Variants in AKT3 observed in about 807,000 individuals in gnomAD.
AKT3 encodes the protein RAC-gamma serine/threonine-protein kinase.
A neutral mutation model predicts 65.3 loss-of-function variants in AKT3; 15 were observed. The ratio of observed to expected loss-of-function variants is 0.23; its 90% CI spans 0.15 to 0.35. AKT3 has a LOEUF of 0.35. Among genes scored for constraint, AKT3 ranks in the 10% least tolerant of loss-of-function variants. AKT3 has a pLI of 1.00. For missense variants in AKT3, 243 were observed against 576.5 expected, an observed-to-expected ratio of 0.42 and a Z score of 5.92; for synonymous variants, 206 against 183.8, an observed-to-expected ratio of 1.12 and a Z score of -0.98.
intron 6 of AKT3, among the ~76,000 whole-genome samples, chr1:243,629,886 C>T (rs1049575830): frequency 2.6e-5 from 4 of 152,106 alleles, no homozygotes; most frequent in African/African-American, 9.7e-5. Context: ...CTCTGATGCA[C>T]AAAATTCCAG....
At chr1:243,832,374 A>C (rs1275453934) in intron 2 of AKT3, among the ~76,000 whole-genome samples, 2 of 152,150 alleles carry the variant, frequency 1.3e-5, no homozygotes, top group Non-Finnish European at 2.9e-5. Context: ...TAAGAATTAA[A>C]TTGGAATACA....
chr1:243,798,840 A>G (rs1404935249), intron 2 of AKT3, among the ~76,000 whole-genome samples: 1 of 152,194 alleles, frequency 6.6e-6, no homozygotes, highest in Non-Finnish European at 1.5e-5. Flanking sequence ...TTAACACAGC[A>G]GTTGCTCTTT....
At chr1:243,561,797 T>A (rs1673802938) in intron 10 of AKT3, among the ~76,000 whole-genome samples, 1 of 152,180 alleles carries the variant, frequency 6.6e-6, no homozygotes, top group Admixed American at 6.5e-5. Context: ...TCACTTTCCA[T>A]CAACCATCAC....
At chr1:243,645,824 A>G (rs1050054152) in intron 5 of AKT3, 69 bp downstream of exon 5, 2 of 1,421,262 alleles carry the variant, frequency 1.4e-6, no homozygotes, top group African/African-American at 2.9e-5. Flanking sequence ...CTTTCTGCAA[A>G]TGGTAGCTTT....
intron 4 of AKT3, among the ~76,000 whole-genome samples, chr1:243,647,615 T>C (rs1201071130): frequency 1.3e-5 from 2 of 152,242 alleles, no homozygotes; most frequent in Non-Finnish European, 2.9e-5. Flanking sequence ...CTTTGTATAC[T>C]GCAACTTTAT....
chr1:243,545,441 T>C, intron 12 of AKT3, 69 bp downstream of exon 12: 1 of 866,952 alleles, frequency 1.2e-6, no homozygotes, highest in Non-Finnish European at 1.9e-6. Context: ...ACTTAAAATA[T>C]TTTTGCTATA....
At chr1:243,494,408 A>G (rs1667295665) in intron 13 of AKT3, among the ~76,000 whole-genome samples, 1 of 152,196 alleles carries the variant, frequency 6.6e-6, no homozygotes, top group Non-Finnish European at 1.5e-5. Flanking sequence ...ACTTGAACAT[A>G]TGCAGCTAAA....
intron 8 of AKT3, among the ~76,000 whole-genome samples, chr1:243,591,458 T>C (rs530246179): frequency 6.6e-6 from 1 of 152,300 alleles, no homozygotes; most frequent in Admixed American, 6.5e-5. Context: ...ATATATTTTT[T>C]AATCCCCAAA....
At chr1:243,615,229 C>A in intron 6 of AKT3, 68 bp from the exon 7 acceptor site, 1 of 1,261,664 alleles carries the variant, frequency 7.9e-7, no homozygotes, top group Non-Finnish European at 1.1e-6. Flanking sequence ...TTCACTATTT[C>A]TCTAAAATTG....
At chr1:243,842,968 A>G (rs1250305166) in intron 2 of AKT3, among the ~76,000 whole-genome samples, 157 bp downstream of exon 2, 1 of 152,164 alleles carries the variant, frequency 6.6e-6, no homozygotes, top group Admixed American at 6.5e-5. Context: ...CCTTAATAAC[A>G]AGCAAATTCC....
intron 8 of AKT3, among the ~76,000 whole-genome samples, chr1:243,597,350 T>C (rs1676689366): frequency 6.6e-6 from 1 of 152,222 alleles, no homozygotes; most frequent in Non-Finnish European, 1.5e-5. Context: ...TGAAAATATG[T>C]GTACAGTATA....
At chr1:243,749,212 T>C (rs1305295815) in intron 2 of AKT3, among the ~76,000 whole-genome samples, 2 of 152,166 alleles carry the variant, frequency 1.3e-5, no homozygotes, top group Non-Finnish European at 2.9e-5. Flanking sequence ...GTATATGATA[T>C]AATCCATTTT....
At chr1:243,574,953 T>C (rs1431280135) in intron 8 of AKT3, among the ~76,000 whole-genome samples, 2 of 152,168 alleles carry the variant, frequency 1.3e-5, no homozygotes, top group African/African-American at 4.8e-5. Context: ...ATTCTAGATC[T>C]TTATTTAGAC....
Position 243,630,884 on chromosome 1 carries a change from G to A in AKT3, c.561+6727C>T, listed in dbSNP as rs143665014. Among the ~76,000 whole-genome samples, 189 of 152,108 alleles carry A rather than the reference G, an allele frequency of 1.2e-3. 1 individual carries two copies. Among genetic ancestry groups the A allele is most frequent in the African/African-American group, 4.4e-3 (184 of 41,508 alleles). On this transcript the variant is annotated intron_variant, in intron 6 of 13. Coordinates refer to ENST00000673466, the MANE Select transcript of AKT3 (RefSeq NM_005465.7). ...TATTCATGGGACAATCAAATAGTAT[G>A]GTCAGACCTGTAATGAAGGAAAGGT...
At chr1:243,585,119 G>A (rs983345990) in intron 8 of AKT3, among the ~76,000 whole-genome samples, 47 of 151,858 alleles carry the variant, frequency 3.1e-4, no homozygotes, top group African/African-American at 1.1e-3. Context: ...TCCAAGCTGA[G>A]AGCCAAATCA....
chr1:243,546,934 C>T (rs766067345), intron 11 of AKT3: 1 of 152,108 alleles, frequency 6.6e-6, no homozygotes. Context: ...GAAAGTGATA[C>T]AATGGAGACT....
At chr1:243,718,399 GT>G (rs1004958479) in intron 2 of AKT3, among the ~76,000 whole-genome samples, 3 of 151,392 alleles carry the variant, frequency 2.0e-5, no homozygotes, top group Non-Finnish European at 2.9e-5. Context: ...TCACTTTAAA[GT>G]TTTTTTTAAA....
At chr1:243,842,753 T>C (rs1490768015) in intron 2 of AKT3, among the ~76,000 whole-genome samples, 1 of 152,190 alleles carries the variant, frequency 6.6e-6, no homozygotes, top group Non-Finnish European at 1.5e-5. Context: ...CTCTTATTTA[T>C]ATATTTACAT....
At chr1:243,836,465 T>C (rs957226472) in intron 2 of AKT3, among the ~76,000 whole-genome samples, 5 of 147,138 alleles carry the variant, frequency 3.4e-5, no homozygotes, top group Admixed American at 6.7e-5. Context: ...GTCACAGAAC[T>C]AGAGGAAAAA....
Sources: allele counts gnomAD v4.1 joint callset (sites outside exome capture counted in the v4.1 genomes callset), GRCh38; gene constraint gnomAD v4.1.1; transcripts MANE v1.5; gene names NCBI Gene and HGNC (gene_info 2026-07-23, HGNC 2026-07-21).